The following MYRIP variants were observed in gnomAD, a reference collection of about 807,000 sequenced individuals.
MYRIP encodes myosin VIIA and Rab interacting protein.
A neutral mutation model predicts 98.0 loss-of-function variants in MYRIP; 49 were observed. The observed-to-expected ratio is 0.50, with a 90% CI of 0.40 to 0.63. The LOEUF (loss-of-function observed/expected upper bound fraction) is 0.63, where lower values mean the gene tolerates loss of function less well. Ranked by LOEUF, MYRIP falls within the 30% of genes least tolerant of loss-of-function variation. The pLI, the probability that MYRIP is intolerant of heterozygous loss-of-function variation, is 0.00. For missense variants in MYRIP, 1,004 were observed against 1,058.2 expected (o/e 0.95, Z 0.71); for synonymous variants, 404 against 409.5 (o/e 0.99, Z 0.16).
chr3:40,021,852 C>A (rs964046248), intron 2 of MYRIP, among the ~76,000 whole-genome samples: 3 of 152,168 alleles, frequency 2.0e-5, no homozygotes, highest in Non-Finnish European at 4.4e-5. Context: ...AGAATCCTAT[C>A]CCTTAGTGGC....
chr3:39,973,740 A>G (rs1945665836), intron 2 of MYRIP, among the ~76,000 whole-genome samples: 1 of 152,228 alleles, frequency 6.6e-6, no homozygotes, highest in Non-Finnish European at 1.5e-5. Flanking sequence ...CTCAGGATTA[A>G]GAAACTCATT....
chr3:39,871,490 T>C (rs1392994297), intron 1 of MYRIP, among the ~76,000 whole-genome samples: 1 of 152,200 alleles, frequency 6.6e-6, no homozygotes, highest in Non-Finnish European at 1.5e-5. Context: ...GGAACATAAA[T>C]TCAGGAGCCA....
chr3:39,891,422 A>C (rs747829209), intron 1 of MYRIP, among the ~76,000 whole-genome samples: 14 of 152,146 alleles, frequency 9.2e-5, no homozygotes, highest in Non-Finnish European at 1.8e-4. Flanking sequence ...TCTGCATGAT[A>C]TTCCAGGGAA....
intron 10 of MYRIP, among the ~76,000 whole-genome samples, chr3:40,198,255 A>G (rs764293457): frequency 6.6e-6 from 1 of 152,210 alleles, no homozygotes; most frequent in Non-Finnish European, 1.5e-5. Flanking sequence ...GGATGCTTAA[A>G]AAGTCCCACT....
At chr3:40,130,470 C>T (rs903762184) in intron 3 of MYRIP, among the ~76,000 whole-genome samples, 119 of 151,620 alleles carry the variant, frequency 7.8e-4, no homozygotes, top group South Asian at 1.0e-3. Flanking sequence ...CTCCGCCTCC[C>T]GGGTTCACGC....
intron 1 of MYRIP, among the ~76,000 whole-genome samples, chr3:39,880,063 T>C (rs551049419): frequency 1.6e-4 from 24 of 151,952 alleles, no homozygotes; most frequent in Non-Finnish European, 2.1e-4. Flanking sequence ...TTTTTAATTT[T>C]ATTATTATTA....
At chr3:39,922,717 C>A (rs772455782) in intron 2 of MYRIP, among the ~76,000 whole-genome samples, 12 of 152,210 alleles carry the variant, frequency 7.9e-5, no homozygotes, top group Non-Finnish European at 1.5e-4. Flanking sequence ...AGAGTGTTGT[C>A]AGAGAGAGCC....
chr3:40,098,740 T>TGTGTG, intron 3 of MYRIP, among the ~76,000 whole-genome samples: 1 of 135,282 alleles, frequency 7.4e-6, no homozygotes, highest in East Asian at 2.2e-4. Flanking sequence ...GTCTCTCTCA[T>TGTGTG]TGTGTGTGTG....
Position 40,234,019 on chromosome 3 carries a change from G to A in MYRIP, c.2066G>A (p.Arg689Lys), listed in dbSNP as rs781564902. Residue 689 changes from arginine (R) to lysine (K), a missense_variant, in exon 12 of 17, where the codon AGA becomes AAA. Arg to Lys is a conservative substitution (Grantham distance 26). Transcript: ENST00000302541. The stretch of plus-strand genomic sequence containing the variant: ...TTTCCTCGTGGGACAGACCAAGTGA[G>A]ACTGGATGAGCAGCTGACTTCCCTG... ...GMFPRGTDQV[R>K]LDEQLTSLEE... 5 of 1,608,912 alleles carry A rather than the reference G, an allele frequency of 3.1e-6. No individual in the cohort carries two copies. The highest frequency in any genetic ancestry group is 4.2e-6 in the Non-Finnish European group (5 of 1,178,590).
intron 3 of MYRIP, among the ~76,000 whole-genome samples, chr3:40,144,116 G>A (rs1949964436): frequency 6.6e-6 from 1 of 152,198 alleles, no homozygotes; most frequent in Non-Finnish European, 1.5e-5. Flanking sequence ...AACTCAAAAA[G>A]CCTTGAACAA....
intron 5 of MYRIP, among the ~76,000 whole-genome samples, chr3:40,165,823 A>G (rs1327258926): frequency 6.6e-6 from 1 of 151,636 alleles, no homozygotes; most frequent in African/African-American, 2.4e-5. Context: ...GTTAGCTTGT[A>G]TTCATCTCAG....
chr3:40,082,413 G>A (rs373604311), intron 3 of MYRIP, among the ~76,000 whole-genome samples: 1 of 152,176 alleles, frequency 6.6e-6, no homozygotes. Context: ...AGTCTGAGAA[G>A]TCTACATTCA....
intron 1 of MYRIP, among the ~76,000 whole-genome samples, chr3:39,869,559 G>C (rs1942723450): frequency 6.6e-6 from 1 of 152,104 alleles, no homozygotes; most frequent in African/African-American, 2.4e-5. Flanking sequence ...CAAGATAAGG[G>C]AGTAGAGAGC....
intron 2 of MYRIP, among the ~76,000 whole-genome samples, chr3:39,931,382 C>T (rs4524220): frequency 0.37 from 56,179 of 151,192 alleles, 10,726 homozygotes; most frequent in East Asian, 0.46. Context: ...TGATCTTTTA[C>T]TTAAACCTTC....
At chr3:40,084,579 CGATA>C (rs72108894) in intron 3 of MYRIP, among the ~76,000 whole-genome samples, 50 of 123,168 alleles carry the variant, frequency 4.1e-4, no homozygotes, top group East Asian at 1.6e-3. Flanking sequence ...TATTATCTAT[CGATA>C]GATAATACAC....
chr3:39,947,377 G>GA (rs985074538), intron 2 of MYRIP, among the ~76,000 whole-genome samples: 3 of 151,616 alleles, frequency 2.0e-5, no homozygotes, highest in Non-Finnish European at 2.9e-5. Context: ...CTTGTTTCCT[G>GA]AAAAAAATGA....
intron 2 of MYRIP, among the ~76,000 whole-genome samples, chr3:39,904,028 A>G (rs958710368): frequency 5.9e-5 from 9 of 152,198 alleles, no homozygotes; most frequent in Non-Finnish European, 1.2e-4. Context: ...TATTTCTGAG[A>G]TAATTCAGAA....
At chr3:40,206,195 G>T (rs1020611763) in intron 10 of MYRIP, among the ~76,000 whole-genome samples, 5 of 152,080 alleles carry the variant, frequency 3.3e-5, no homozygotes, top group Admixed American at 6.6e-5. Context: ...ATCAGCTCAT[G>T]GGGGGAAATA....
At chr3:39,980,316 C>G (rs1288273408) in intron 2 of MYRIP, among the ~76,000 whole-genome samples, 1 of 152,176 alleles carries the variant, frequency 6.6e-6, no homozygotes, top group African/African-American at 2.4e-5. Flanking sequence ...GTTGTTCCCC[C>G]ATGCAAATCA....
Sources: allele counts gnomAD v4.1 joint callset (sites outside exome capture counted in the v4.1 genomes callset), GRCh38; gene constraint gnomAD v4.1.1; transcripts MANE v1.5; gene names NCBI Gene and HGNC (gene_info 2026-07-23, HGNC 2026-07-21).